Variants in MARCHF1 observed in about 807,000 individuals in gnomAD.
MARCHF1 encodes the protein E3 ubiquitin-protein ligase MARCHF1.
A neutral mutation model predicts 54.2 loss-of-function variants in MARCHF1; 40 were observed. The observed-to-expected ratio is 0.74, with a 90% confidence interval of 0.57 to 0.96. MARCHF1 has a LOEUF of 0.96. Ranked by LOEUF, MARCHF1 falls within the 40% of genes least tolerant of loss-of-function variation. The probability of loss-of-function intolerance (pLI) is 0.00; values close to 1 mark genes in which losing one functional copy is unlikely to be tolerated. For missense variants in MARCHF1, 586 were observed against 656.5 expected, an observed-to-expected ratio of 0.89 and a Z score of 1.17; for synonymous variants, 236 against 236.3, an observed-to-expected ratio of 1.00 and a Z score of 0.01.
intron 1 of MARCHF1, among the ~76,000 whole-genome samples, chr4:164,356,509 C>G (rs1227353387): frequency 8.4e-6 from 1 of 118,986 alleles, no homozygotes; most frequent in Non-Finnish European, 1.9e-5. Context: ...AGTAAACTAT[C>G]TCAAGAACAA....
At chr4:163,884,721 A>G (rs1258216370) in intron 3 of MARCHF1, among the ~76,000 whole-genome samples, 1 of 152,152 alleles carries the variant, frequency 6.6e-6, no homozygotes, top group Non-Finnish European at 1.5e-5. Flanking sequence ...ATTGTCCTTC[A>G]ACTTGGTTTC....
At chr4:164,221,830 C>G (rs1732121628) in intron 1 of MARCHF1, among the ~76,000 whole-genome samples, 1 of 151,964 alleles carries the variant, frequency 6.6e-6, no homozygotes, top group African/African-American at 2.4e-5. Flanking sequence ...TTCTGTTAGT[C>G]AGAAATGAGT....
In MARCHF1 at chr4:163,635,049, C is replaced by T. The variant is rs1391217490; in HGVS notation, c.163-21656G>A. Among the ~76,000 whole-genome samples, 111 of 73,046 alleles carry T rather than the reference C, an allele frequency of 1.5e-3. 1 individual carries two copies. The highest frequency in any genetic ancestry group is 7.2e-3 in the African/African-American group (94 of 13,126). 47.9% of individuals were successfully genotyped at this position (73,046 alleles called of 152,430 possible). A position where few individuals can be genotyped will look rare whatever the true frequency, so the allele number is the denominator to read the frequency against. On this transcript the variant is annotated intron_variant, in intron 5 of 9. Coordinates refer to ENST00000514618, the MANE Select transcript of MARCHF1 (RefSeq NM_001394959.1). ...AAATAAAGATGTTCTTTGAAACCAA[C>T]GAGAACAAAGACACAACATACCAGA...
intron 1 of MARCHF1, among the ~76,000 whole-genome samples, chr4:164,355,172 G>A (rs1444544650): frequency 2.6e-5 from 2 of 76,094 alleles, no homozygotes; most frequent in Non-Finnish European, 5.5e-5. Flanking sequence ...CCAATATCGT[G>A]AAAATGGCCA....
intron 4 of MARCHF1, among the ~76,000 whole-genome samples, chr4:163,797,371 G>A (rs1000726611): frequency 6.6e-6 from 1 of 151,540 alleles, no homozygotes; most frequent in South Asian, 2.1e-4. Context: ...GTGTGTGTGT[G>A]TGCTTATTCC....
At chr4:164,182,225 G>A (rs1352475228) in intron 1 of MARCHF1, among the ~76,000 whole-genome samples, 2 of 152,056 alleles carry the variant, frequency 1.3e-5, no homozygotes, top group African/African-American at 4.8e-5. Flanking sequence ...TGTAATCGGA[G>A]CCTGACATAG....
intron 3 of MARCHF1, among the ~76,000 whole-genome samples, chr4:163,959,746 T>C (rs887181589): frequency 3.3e-5 from 5 of 151,942 alleles, no homozygotes; most frequent in African/African-American, 9.7e-5. Flanking sequence ...ATCCTGGACA[T>C]AGGAATGGGA....
At chr4:164,039,100 A>G (rs994601160) in intron 2 of MARCHF1, among the ~76,000 whole-genome samples, 1 of 152,220 alleles carries the variant, frequency 6.6e-6, no homozygotes, top group Non-Finnish European at 1.5e-5. Context: ...ATACATGCAC[A>G]CACGTGTGTA....
chr4:163,599,426 A>G (rs1220224939), intron 7 of MARCHF1, among the ~76,000 whole-genome samples: 1 of 151,992 alleles, frequency 6.6e-6, no homozygotes, highest in Non-Finnish European at 1.5e-5. Context: ...ACATACACAC[A>G]CACACACACA....
intron 8 of MARCHF1, among the ~76,000 whole-genome samples, chr4:163,555,466 C>G (rs1399024514): frequency 2.0e-5 from 3 of 152,036 alleles, no homozygotes; most frequent in Non-Finnish European, 4.4e-5. Context: ...TGTAAGAACA[C>G]AAATTACTTG....
chr4:163,580,373 T>C (rs976392579), intron 8 of MARCHF1, among the ~76,000 whole-genome samples: 6 of 152,058 alleles, frequency 3.9e-5, no homozygotes, highest in Admixed American at 6.6e-5. Context: ...CCACCGCACC[T>C]GGCCCTGTAG....
intron 1 of MARCHF1, among the ~76,000 whole-genome samples, chr4:164,179,017 T>C (rs376862483): frequency 2.0e-5 from 3 of 152,078 alleles, no homozygotes; most frequent in African/African-American, 7.2e-5. Flanking sequence ...GAGAACACCA[T>C]GTGGCACGCA....
intron 4 of MARCHF1, among the ~76,000 whole-genome samples, chr4:163,788,175 G>C (rs1246689882): frequency 6.6e-6 from 1 of 151,510 alleles, no homozygotes; most frequent in African/African-American, 2.4e-5. Context: ...ATATTACTGA[G>C]CTGTACATTA....
intron 1 of MARCHF1, among the ~76,000 whole-genome samples, chr4:164,243,525 G>T (rs1008457725): frequency 2.2e-4 from 34 of 151,912 alleles, no homozygotes; most frequent in African/African-American, 8.2e-4. Context: ...AAAGACCATC[G>T]AGACTAGGAA....
chr4:163,612,894 C>G lies in MARCHF1; in HGVS notation c.387G>C (p.Glu129Asp). The G allele has an allele frequency of 6.5e-7, 1 of 1,535,476 alleles. No individual in the cohort carries two copies. Among genetic ancestry groups the G allele is most frequent in the Non-Finnish European group, 8.7e-7 (1 of 1,146,532 alleles). ...CTCTTATTTGTTCTTCTGCAGCATG[C>G]TCATATCTCTCAGAGGCTTTTCTCC... The part of the protein sequence containing the change: ...RRRRKASERY[E>D]HAAEEQIRGR... The change falls in exon 7 of 10, where the codon GAG (glutamate) becomes GAC (aspartate). Residue 129 changes from glutamate to aspartate, a missense_variant. By Grantham distance (45) the Glu-to-Asp change is conservative. Around this residue, in one of 3 missense-constraint regions of MARCHF1, gnomAD observed 387 missense variants for 394.6 expected, o/e 0.98. Coordinates refer to ENST00000514618, the MANE Select transcript of MARCHF1 (RefSeq NM_001394959.1).
intron 1 of MARCHF1, among the ~76,000 whole-genome samples, chr4:164,215,945 G>A (rs948300530): frequency 7.2e-5 from 11 of 152,052 alleles, no homozygotes; most frequent in African/African-American, 2.4e-5. Context: ...AATCAGAAGC[G>A]ATCAAAGAAT....
At chr4:163,798,528 A>G (rs1212230763) in intron 4 of MARCHF1, among the ~76,000 whole-genome samples, 2 of 152,118 alleles carry the variant, frequency 1.3e-5, no homozygotes, top group African/African-American at 4.8e-5. Context: ...TTCAGGGCAA[A>G]TGTGTTATGT....
intron 4 of MARCHF1, among the ~76,000 whole-genome samples, chr4:163,734,302 T>C (rs561402533): frequency 1.3e-5 from 2 of 152,310 alleles, no homozygotes; most frequent in South Asian, 2.1e-4. Context: ...ATCTGCCATA[T>C]GATTTAGTCA....
intron 7 of MARCHF1, among the ~76,000 whole-genome samples, chr4:163,606,421 G>T (rs1257926788): frequency 1.3e-5 from 2 of 152,078 alleles, no homozygotes; most frequent in African/African-American, 4.8e-5. Context: ...AACTTATTCT[G>T]TAGGGAAAAG....
Sources: gnomAD v4.1 joint callset for allele counts (sites outside exome capture counted in the v4.1 genomes callset) on GRCh38, gnomAD v4.1.1 for gene constraint, gnomAD v4.1.1 regional missense constraint, MANE v1.5 for transcripts, NCBI Gene and HGNC (gene_info 2026-07-23, HGNC 2026-07-21) for gene names.